Variants in CD38 observed in about 807,000 individuals in gnomAD.
CD38 encodes ADP-ribosyl cyclase/cyclic ADP-ribose hydrolase 1.
CD38 carries 31 observed loss-of-function variants against 36.3 expected under a neutral mutation model. That is an observed-to-expected ratio of 0.85 (90% CI 0.64 to 1.15). The LOEUF (loss-of-function observed/expected upper bound fraction) is 1.15. CD38 is among the 50% of genes most tolerant of loss of function. The probability of loss-of-function intolerance (pLI) is 0.00; values close to 1 mark genes in which losing one functional copy is unlikely to be tolerated. For synonymous variants in CD38, 131 were observed against 135.2 expected (o/e 0.97, Z 0.22); for missense variants, 380 against 371.9 (o/e 1.02, Z -0.18).
At chr4:15,832,039 C>A (rs1019253365) in intron 3 of CD38, among the ~76,000 whole-genome samples, 2 of 152,106 alleles carry the variant, frequency 1.3e-5, no homozygotes, top group African/African-American at 4.8e-5. Flanking sequence ...TTCAAGCTCA[C>A]AAATTCTTTC....
At chr4:15,832,773 A>G (rs1240167180) in intron 3 of CD38, among the ~76,000 whole-genome samples, 1 of 152,172 alleles carries the variant, frequency 6.6e-6, no homozygotes, top group East Asian at 1.9e-4. Context: ...TACAATCAGT[A>G]GGTGAGAAAG....
At chr4:15,780,227 T>C (rs1321753294) in intron 1 of CD38, among the ~76,000 whole-genome samples, 1 of 152,214 alleles carries the variant, frequency 6.6e-6, no homozygotes, top group Non-Finnish European at 1.5e-5. Context: ...AGGTATTCCA[T>C]ATATACTCCA....
chr4:15,820,908 A>T (rs958232085), intron 2 of CD38, among the ~76,000 whole-genome samples: 3 of 152,254 alleles, frequency 2.0e-5, no homozygotes, highest in African/African-American at 7.2e-5. Context: ...GCCACATGGC[A>T]TCTACTCTAA....
intron 3 of CD38, chr4:15,825,328 A>G: frequency 3.2e-6 from 1 of 315,068 alleles, no homozygotes; most frequent in East Asian, 6.9e-5. Flanking sequence ...TGGCATTTAC[A>G]GAGATCACAT....
At chr4:15,802,676 C>T (rs998045838) in intron 1 of CD38, among the ~76,000 whole-genome samples, 4 of 152,046 alleles carry the variant, frequency 2.6e-5, no homozygotes, top group Non-Finnish European at 4.4e-5. Context: ...CCTGCTTCAG[C>T]CACCTCAGTA....
At chr4:15,820,362 A>G (rs1723705388) in intron 2 of CD38, among the ~76,000 whole-genome samples, 1 of 152,212 alleles carries the variant, frequency 6.6e-6, no homozygotes, top group Non-Finnish European at 1.5e-5. Flanking sequence ...TTAAGTGTAA[A>G]TGGGCTAAAT....
chr4:15,789,442 C>T (rs1049884682), intron 1 of CD38, among the ~76,000 whole-genome samples: 1 of 152,120 alleles, frequency 6.6e-6, no homozygotes, highest in African/African-American at 2.4e-5. Context: ...GCACCGAGTA[C>T]ATTTAAAAGT....
At chr4:15,811,115 G>C (rs1197282910) in intron 1 of CD38, among the ~76,000 whole-genome samples, 2 of 151,942 alleles carry the variant, frequency 1.3e-5, no homozygotes, top group African/African-American at 4.8e-5. Flanking sequence ...TTTGTTAATT[G>C]GGTTATCCAT....
At chr4:15,787,064 G>A (rs866333054) in intron 1 of CD38, among the ~76,000 whole-genome samples, 4 of 152,168 alleles carry the variant, frequency 2.6e-5, no homozygotes, top group African/African-American at 7.2e-5. Flanking sequence ...CCTGGAACTC[G>A]CGCTGGCCCA....
Position 15,778,394 on chromosome 4 carries a change from G to A in CD38, c.-21G>A, listed in dbSNP as rs1560302996. On this transcript the variant is annotated 5_prime_UTR_variant, in exon 1 of 8. Transcript: ENST00000226279. The surrounding 1 kb of genome is among the most constrained non-coding windows in gnomAD (Gnocchi z 4.9). Reference sequence around the variant, plus strand: ...CTCCTGCCGGCCTCATCTTCGCCCAGCCAACCCCGCCTGGAGCCCTATGGC... The same window carrying A: ...CTCCTGCCGGCCTCATCTTCGCCCAACCAACCCCGCCTGGAGCCCTATGGC... The A allele has an allele frequency of 6.3e-7, 1 of 1,588,322 alleles. No individual in the cohort carries two copies.
chr4:15,830,742 A>G (rs1723943255), intron 3 of CD38, among the ~76,000 whole-genome samples: 1 of 152,134 alleles, frequency 6.6e-6, no homozygotes, highest in Admixed American at 6.5e-5. Flanking sequence ...TTGAGGTCTT[A>G]GATTTAAATC....
chr4:15,778,515 T>A lies in CD38; in HGVS notation c.101T>A (p.Ile34Asn). The A allele has an allele frequency of 6.2e-7, 1 of 1,613,520 alleles. No individual in the cohort carries two copies. The change falls in exon 1 of 8, where the codon ATC becomes AAC. Residue 34 changes from isoleucine to asparagine, a missense_variant. By Grantham distance (149) the Ile-to-Asn change is moderately radical. Coordinates refer to ENST00000226279, the MANE Select transcript of CD38 (RefSeq NM_001775.4). The surrounding 1 kb of genome is among the most constrained non-coding windows in gnomAD (Gnocchi z 4.9). ...LCLGVSILVL[I>N]LVVVLAVVVP... ...CTTGGCGTCAGTATCCTGGTCCTGA[T>A]CCTCGTCGTGGTGCTCGCGGTGGTC...
chr4:15,784,884 C>T (rs140234774), intron 1 of CD38, among the ~76,000 whole-genome samples: 15,705 of 151,878 alleles, frequency 0.1, 1,411 homozygotes, highest in African/African-American at 0.24. Flanking sequence ...GGTGAAACCC[C>T]GTCTCTACTA....
chr4:15,840,344 T>G (rs571418125), intron 6 of CD38, 108 bp from the exon 7 acceptor site: 13 of 789,864 alleles, frequency 1.6e-5, no homozygotes, highest in Admixed American at 2.2e-5. Context: ...TACCTCTACT[T>G]TACCTCTTTA....
intron 2 of CD38, among the ~76,000 whole-genome samples, chr4:15,824,067 T>C (rs1723795898): frequency 6.6e-6 from 1 of 152,134 alleles, no homozygotes; most frequent in African/African-American, 2.4e-5. Context: ...AAATGCTGCA[T>C]GTTCTCACTT....
At chr4:15,792,339 G>C (rs367700388) in intron 1 of CD38, among the ~76,000 whole-genome samples, 2,438 of 122,566 alleles carry the variant, frequency 0.02, 66 homozygotes, top group African/African-American at 0.061. Flanking sequence ...TTGTTCACTT[G>C]TTTATCTGCT....
Position 15,838,138 on chromosome 4 carries a change from C to G in CD38, c.632C>G (p.Ser211Cys), listed in dbSNP as rs1432068695. The G allele has an allele frequency of 6.2e-7, 1 of 1,613,530 alleles. No homozygotes were observed. The highest frequency in any genetic ancestry group is 1.6e-4 in the Middle Eastern group (1 of 6,062). ...CDVVHVMLNGSRSKIFDKNST... is the reference protein window; with the variant it reads ...CDVVHVMLNGCRSKIFDKNST... The stretch of plus-strand genomic sequence containing the variant: ...GTGGTCCATGTGATGCTCAATGGAT[C>G]CCGCAGTAAAATCTTTGACAAAAAC... Residue 211 changes from serine (S) to cysteine (C), a missense_variant, in exon 5 of 8, where the codon TCC becomes TGC. Physicochemically the swap from Ser to Cys is moderately radical, Grantham distance 112. Transcript: ENST00000226279.
intron 3 of CD38, among the ~76,000 whole-genome samples, chr4:15,829,287 G>T (rs1723914131): frequency 6.6e-6 from 1 of 151,944 alleles, no homozygotes; most frequent in South Asian, 2.1e-4. Flanking sequence ...GAGATGTTTT[G>T]ATATAGATAT....
chr4:15,811,551 C>CCTTGT (rs1723470746), intron 1 of CD38, among the ~76,000 whole-genome samples: 1 of 151,944 alleles, frequency 6.6e-6, no homozygotes. Context: ...CATTGAATGG[C>CCTTGT]CTTGGCACTC....
Sources: gnomAD v4.1 joint callset for allele counts (sites outside exome capture counted in the v4.1 genomes callset) on GRCh38, gnomAD v4.1.1 for gene constraint, Gnocchi (gnomAD v3.1) non-coding constraint, MANE v1.5 for transcripts, NCBI Gene and HGNC (gene_info 2026-07-23, HGNC 2026-07-21) for gene names.